The following ALK variants were observed in gnomAD, a reference collection of about 807,000 sequenced individuals.
The protein encoded by ALK is ALK receptor tyrosine kinase.
ALK carries 74 observed loss-of-function variants against 163.1 expected under a neutral mutation model. That is an observed-to-expected ratio of 0.45 (90% confidence interval 0.38 to 0.55). The LOEUF (loss-of-function observed/expected upper bound fraction) is 0.55. Among genes scored for constraint, ALK ranks in the 20% least tolerant of loss-of-function variants. The pLI, the probability that ALK is intolerant of heterozygous loss-of-function variation, is 0.00. For missense variants in ALK, 2,063 were observed against 2,105.3 expected (o/e 0.98, Z 0.39); for synonymous variants, 960 against 843.2 (o/e 1.14, Z -2.40).
intron 4 of ALK, among the ~76,000 whole-genome samples, chr2:29,494,428 G>A (rs971166828): frequency 1.3e-5 from 2 of 151,994 alleles, no homozygotes; most frequent in African/African-American, 2.4e-5. Context: ...TCTTTAGAAG[G>A]CCCACTCAGT....
chr2:29,767,932 A>G (rs567704960), intron 1 of ALK, among the ~76,000 whole-genome samples: 5 of 152,242 alleles, frequency 3.3e-5, no homozygotes, highest in Admixed American at 2.0e-4. Context: ...AGTCGTGATG[A>G]TTACTCATTA....
chr2:29,196,672 A>G, intron 28 of ALK, 98 bp downstream of exon 28: 1 of 890,188 alleles, frequency 1.1e-6, no homozygotes, highest in Non-Finnish European at 1.9e-6. Context: ...TAAATCTTGT[A>G]CTCTGACTGG....
intron 5 of ALK, among the ~76,000 whole-genome samples, chr2:29,370,198 T>G (rs961401387): frequency 7.2e-5 from 11 of 152,212 alleles, no homozygotes; most frequent in Admixed American, 5.2e-4. Flanking sequence ...CTTCATACAC[T>G]CATAAGCCCA....
chr2:29,718,696 C>A (rs1046885190), intron 1 of ALK, among the ~76,000 whole-genome samples: 1 of 152,174 alleles, frequency 6.6e-6, no homozygotes, highest in African/African-American at 2.4e-5. Context: ...CTCTGTTTTA[C>A]AGATGCATCA....
intron 4 of ALK, among the ~76,000 whole-genome samples, chr2:29,518,554 A>T (rs1403020343): frequency 6.6e-6 from 1 of 152,210 alleles, no homozygotes; most frequent in Non-Finnish European, 1.5e-5. Context: ...CTGGGGTTCA[A>T]ACGCAGAATA....
intron 1 of ALK, among the ~76,000 whole-genome samples, chr2:29,730,608 C>T (rs751285452): frequency 2.0e-5 from 3 of 152,200 alleles, no homozygotes; most frequent in Non-Finnish European, 2.9e-5. Context: ...TCCCAACTTA[C>T]ACAAGAGGAA....
At position 29,638,694 on chromosome 2, in the gene ALK, T is replaced by C. The variant is rs61127531; in HGVS notation, c.952+56156A>G. ...CCATGGAGTGGCCTGTTTCTTGCCCTACAGTTTCTCTGTTCTAACACCATC... is the reference window on the plus strand; with the variant it reads ...CCATGGAGTGGCCTGTTTCTTGCCCCACAGTTTCTCTGTTCTAACACCATC... On this transcript the variant is annotated intron_variant, in intron 3 of 28. Transcript: ENST00000389048. 4.9e-3 allele frequency among the ~76,000 whole-genome samples: 748 copies of C among 152,292 alleles called. 3 individuals carry two copies. The highest frequency in any genetic ancestry group is 0.017 in the African/African-American group (724 of 41,550).
intron 26 of ALK, among the ~76,000 whole-genome samples, chr2:29,198,215 C>A (rs1207440911): frequency 6.6e-6 from 1 of 152,194 alleles, no homozygotes. Context: ...ATTTCATAGT[C>A]TCTTACAGTT....
chr2:29,390,997 T>C lies in ALK; in HGVS notation c.1155-7138A>G, dbSNP rs1224246698. On this transcript the variant is annotated intron_variant, in intron 4 of 28. Coordinates refer to ENST00000389048, the MANE Select transcript of ALK (RefSeq NM_004304.5). ...GGTCGAAAGGGGATCTGGCTTCCAATGGCCCAGCGTGGAGAAGAGCTGCTC... is the reference window on the plus strand; with the variant it reads ...GGTCGAAAGGGGATCTGGCTTCCAACGGCCCAGCGTGGAGAAGAGCTGCTC... Among the ~76,000 whole-genome samples the C allele has an allele frequency of 2.6e-5, 4 of 152,230 alleles. No homozygotes were observed. In the East Asian group the frequency reaches 7.7e-4, roughly 29 times the overall value.
At position 29,341,765 on chromosome 2, in the gene ALK, G is replaced by GTGTT. The variant is rs1667799275; in HGVS notation, c.1283-13288_1283-13285dup. On this transcript the variant is annotated intron_variant, in intron 5 of 28. Coordinates refer to ENST00000389048, the MANE Select transcript of ALK (RefSeq NM_004304.5). ...CTTGGAGGAAATGTAAGAAGGTTTGGTGTTATCAAATTTGATAGGTACAGT... is the reference window on the plus strand; with the variant it reads ...CTTGGAGGAAATGTAAGAAGGTTTGGTGTTTGTTATCAAATTTGATAGGTACAGT... Among the ~76,000 whole-genome samples the GTGTT allele has an allele frequency of 2.0e-5, 3 of 152,334 alleles. No homozygotes were observed. The East Asian group carries it at 5.8e-4, about 29-fold the overall frequency.
At chr2:29,461,747 A>T (rs1280674499) in intron 4 of ALK, among the ~76,000 whole-genome samples, 2 of 152,110 alleles carry the variant, frequency 1.3e-5, no homozygotes, top group Non-Finnish European at 2.9e-5. Context: ...CTAACACAAC[A>T]TCCATTTTGC....
intron 4 of ALK, among the ~76,000 whole-genome samples, chr2:29,509,513 T>C (rs1376001391): frequency 6.6e-6 from 1 of 152,178 alleles, no homozygotes; most frequent in Non-Finnish European, 1.5e-5. Context: ...AGAGCCTTTC[T>C]ACCTTCCAGG....
chr2:29,194,225 A>T (rs965925961), intron 28 of ALK, among the ~76,000 whole-genome samples: 29 of 137,416 alleles, frequency 2.1e-4, no homozygotes, highest in African/African-American at 4.9e-4. Context: ...TAGTGGATTT[A>T]AAAAAAAAAT....
intron 1 of ALK, among the ~76,000 whole-genome samples, chr2:29,807,469 C>A (rs1664650665): frequency 6.6e-6 from 1 of 152,204 alleles, no homozygotes; most frequent in African/African-American, 2.4e-5. Context: ...CCAACACATG[C>A]CAGGAGCTTT....
At chr2:29,502,485 C>T (rs960400074) in intron 4 of ALK, among the ~76,000 whole-genome samples, 1 of 152,084 alleles carries the variant, frequency 6.6e-6, no homozygotes. Flanking sequence ...GATCACTCAA[C>T]GTTTTATTAC....
rs184348275 is a variant in ALK, at chr2:29,509,403, T to C, written c.1154+22512A>G. ...GGAGAAGGCTGTTTTAAGAGTAAAT[T>C]AGATCAGCGAAAGCTTTCTGTACTT... On this transcript the variant is annotated intron_variant, in intron 4 of 28. Transcript: ENST00000389048. 7.5e-4 allele frequency among the ~76,000 whole-genome samples: 114 copies of C among 152,280 alleles called. No homozygotes were observed. In the Middle Eastern group the frequency reaches 0.01, roughly 14 times the overall value.
chr2:29,384,668 G>GTA (rs397809920), intron 4 of ALK, among the ~76,000 whole-genome samples: 2 of 151,428 alleles, frequency 1.3e-5, no homozygotes, highest in African/African-American at 2.4e-5. Flanking sequence ...GTGTGTGTGT[G>GTA]GATTTATTTA....
intron 5 of ALK, among the ~76,000 whole-genome samples, chr2:29,347,515 T>C (rs548409788): frequency 1.1e-4 from 16 of 152,340 alleles, no homozygotes; most frequent in African/African-American, 3.6e-4. Context: ...GAGACCTTGG[T>C]CTCTTTCATA....
At chr2:29,560,220 A>T (rs982270605) in intron 3 of ALK, among the ~76,000 whole-genome samples, 1 of 152,204 alleles carries the variant, frequency 6.6e-6, no homozygotes, top group African/African-American at 2.4e-5. Context: ...TAACTGGTGA[A>T]TGGATAAACA....
Sources: gnomAD v4.1 joint callset for allele counts (sites outside exome capture counted in the v4.1 genomes callset) on GRCh38, gnomAD v4.1.1 for gene constraint, MANE v1.5 for transcripts, NCBI Gene and HGNC (gene_info 2026-07-23, HGNC 2026-07-21) for gene names.